Variants in DLG5 observed in about 807,000 individuals in gnomAD.
DLG5 encodes the protein discs large MAGUK scaffold protein 5.
A neutral mutation model predicts 189.8 loss-of-function variants in DLG5; 48 were observed. The ratio of observed to expected loss-of-function variants is 0.25; its 90% CI spans 0.20 to 0.32. The LOEUF is 0.32. DLG5 is among the 10% of genes least tolerant of loss of function. The probability of loss-of-function intolerance (pLI) is 1.00; values close to 1 mark genes in which losing one functional copy is unlikely to be tolerated. For synonymous variants in DLG5, 1,016 were observed against 1,054.1 expected (o/e 0.96, Z 0.70); for missense variants, 2,160 against 2,544.7 (o/e 0.85, Z 3.25).
At chr10:77,935,898 C>G in the DLG5 span, among the ~76,000 whole-genome samples, 1 of 152,092 alleles carries the variant, frequency 6.6e-6, no homozygotes. Context: ...AAAAGGATTT[C>G]CTTCCAGAGT....
At chr10:77,861,202 CATT>C (rs980740551) in intron 2 of DLG5, among the ~76,000 whole-genome samples, 19 of 152,294 alleles carry the variant, frequency 1.2e-4, no homozygotes, top group African/African-American at 4.6e-4. Flanking sequence ...ATCCTAGTAT[CATT>C]ATGAAAACAG....
intron 1 of DLG5, among the ~76,000 whole-genome samples, chr10:77,870,003 A>ACCCCATC (rs1020510402): frequency 1.3e-4 from 19 of 149,940 alleles, no homozygotes; most frequent in African/African-American, 2.7e-4. Flanking sequence ...TAAGGTCCCT[A>ACCCCATC]CCCCATCCCC....
intron 2 of DLG5, among the ~76,000 whole-genome samples, chr10:77,859,992 C>T (rs973997397): frequency 6.6e-6 from 1 of 152,238 alleles, no homozygotes; most frequent in Non-Finnish European, 1.5e-5. Context: ...CCATAACCTA[C>T]CTGACTCTCC....
rs202110020 is a variant in DLG5, at chr10:77,811,176, G to C, written c.4381C>G (p.Pro1461Ala). 1 of 1,613,272 alleles carries C rather than the reference G, an allele frequency of 6.2e-7. No homozygotes were observed. The highest frequency in any genetic ancestry group is 8.5e-7 in the Non-Finnish European group (1 of 1,179,986). Residue 1461 changes from proline to alanine, a missense_variant, in exon 23 of 32, where the codon CCG becomes GCG. Around this residue, in one of 5 missense-constraint regions of DLG5, gnomAD observed 574 missense variants for 644.2 expected, o/e 0.89. Coordinates refer to ENST00000372391, the MANE Select transcript of DLG5 (RefSeq NM_004747.4). Reference protein sequence around the residue: ...STLQGSGTTTPEHPSVIDPLM... With the variant: ...STLQGSGTTTAEHPSVIDPLM... Reference sequence around the variant, plus strand: ...GGGTCGATGACAGATGGATGCTCCGGGGTGGTGGTGCCACTGCCCTGGAGA... The same window carrying C: ...GGGTCGATGACAGATGGATGCTCCGCGGTGGTGGTGCCACTGCCCTGGAGA...
the DLG5 span, among the ~76,000 whole-genome samples, chr10:77,939,318 G>A: frequency 6.6e-6 from 1 of 152,296 alleles, no homozygotes; most frequent in South Asian, 2.1e-4. Context: ...GTGGAAACCA[G>A]ATGGAAAGGG....
intron 9 of DLG5, 54 bp from the exon 10 acceptor site, chr10:77,830,927 C>T (rs10824579): frequency 0.37 from 583,533 of 1,596,170 alleles, 108,348 homozygotes; most frequent in East Asian, 0.44. Flanking sequence ...AACATCCCAC[C>T]GCGTAACGGC....
chr10:77,794,783 C>T, intron 30 of DLG5, 66 bp downstream of exon 30: 1 of 1,325,740 alleles, frequency 7.5e-7, no homozygotes, highest in Non-Finnish European at 1.1e-6. Context: ...CACCCTGCTC[C>T]CTACTTGGGC....
intron 1 of DLG5, among the ~76,000 whole-genome samples, chr10:77,873,962 C>A (rs1214355406): frequency 1.3e-5 from 2 of 152,200 alleles, no homozygotes; most frequent in Non-Finnish European, 2.9e-5. Context: ...TTTCAGGGCA[C>A]CTGCCACATC....
chr10:77,798,101 C>G (rs1841015677), intron 27 of DLG5, among the ~76,000 whole-genome samples: 1 of 152,116 alleles, frequency 6.6e-6, no homozygotes, highest in South Asian at 2.1e-4. Flanking sequence ...GCACAACAAT[C>G]ACTTGAACCC....
intron 9 of DLG5, among the ~76,000 whole-genome samples, chr10:77,832,599 C>T (rs1013931889): frequency 6.6e-6 from 1 of 152,212 alleles, no homozygotes; most frequent in Non-Finnish European, 1.5e-5. Context: ...CCAGGGAGTG[C>T]CTGAGGCTTC....
intron 1 of DLG5, among the ~76,000 whole-genome samples, chr10:77,921,396 T>G (rs1846529589): frequency 6.6e-6 from 1 of 152,136 alleles, no homozygotes; most frequent in Non-Finnish European, 1.5e-5. Flanking sequence ...TCAGCACCCA[T>G]CTGCATTAGT....
In DLG5 at chr10:77,822,121, G is replaced by A. The variant is rs1449645139; in HGVS notation, c.2383-20C>T. On this transcript the variant is annotated intron_variant, in intron 14 of 31. Transcript: ENST00000372391. ...GAATACCTAGGCAGGGATTGCAGAG[G>A]AGTGAGAGAGAGAGTGAGATGGCAG... is the stretch of plus-strand genomic sequence containing the variant. The A allele has an allele frequency of 1.9e-6, 3 of 1,591,192 alleles. No individual in the cohort carries two copies. The highest frequency in any genetic ancestry group is 8.6e-7 in the Non-Finnish European group (1 of 1,167,694).
At chr10:77,887,374 T>G (rs1190270313) in intron 1 of DLG5, among the ~76,000 whole-genome samples, 1 of 152,206 alleles carries the variant, frequency 6.6e-6, no homozygotes, top group Non-Finnish European at 1.5e-5. Flanking sequence ...GGATGAACAC[T>G]GTCTGAGCCC....
In DLG5 at chr10:77,835,723, G is replaced by A; in HGVS notation, c.1622+15C>T. 1.3e-6 allele frequency: 2 copies of A among 1,598,664 alleles called. No individual in the cohort carries two copies. Among genetic ancestry groups the A allele is most frequent in the Non-Finnish European group, 1.7e-6 (2 of 1,172,194 alleles). On this transcript the variant is annotated intron_variant, in intron 8 of 31. Coordinates refer to ENST00000372391, the MANE Select transcript of DLG5 (RefSeq NM_004747.4). Reference sequence around the variant, plus strand: ...GGGAGACGCAAGCCCACGCCAGCTTGAGGTCACCCCATACCGGATGCTGTC... The same window carrying A: ...GGGAGACGCAAGCCCACGCCAGCTTAAGGTCACCCCATACCGGATGCTGTC...
intron 1 of DLG5, among the ~76,000 whole-genome samples, chr10:77,893,818 A>C (rs1468826118): frequency 6.6e-6 from 1 of 152,138 alleles, no homozygotes; most frequent in Non-Finnish European, 1.5e-5. Flanking sequence ...TCAATGGGGG[A>C]TGGGGGAAGG....
intron 27 of DLG5, among the ~76,000 whole-genome samples, chr10:77,800,594 T>G (rs1245555776): frequency 6.6e-6 from 1 of 151,896 alleles, no homozygotes; most frequent in Non-Finnish European, 1.5e-5. Context: ...CCACGAAAAG[T>G]TTCTGAAAAT....
intron 1 of DLG5, among the ~76,000 whole-genome samples, chr10:77,911,943 G>C (rs983698941): frequency 3.3e-4 from 50 of 150,564 alleles, no homozygotes; most frequent in African/African-American, 1.2e-3. Context: ...TCATGCCTGT[G>C]ATCCCAACAC....
intron 13 of DLG5, among the ~76,000 whole-genome samples, chr10:77,827,736 A>G (rs1485287872): frequency 6.6e-6 from 1 of 152,216 alleles, no homozygotes; most frequent in Non-Finnish European, 1.5e-5. Context: ...TTTAAACTAC[A>G]TATAATCAAA....
rs1589290137 is a variant in DLG5 at position 77,926,572 on chromosome 10, G to A, written c.-52C>T. ...GCCGGACGCCTCCCGGGCCCCCCGAGGCCGGCGGGCGGGCAGGCGAGCACC... is the reference window on the plus strand; with the variant it reads ...GCCGGACGCCTCCCGGGCCCCCCGAAGCCGGCGGGCGGGCAGGCGAGCACC... On this transcript the variant is annotated 5_prime_UTR_variant, in exon 1 of 32. Coordinates refer to ENST00000372391, the MANE Select transcript of DLG5 (RefSeq NM_004747.4). The surrounding 1 kb of genome is among the most constrained non-coding windows in gnomAD (Gnocchi z 5.2). 1.7e-6 allele frequency: 2 copies of A among 1,197,880 alleles called. No individual in the cohort carries two copies. Among genetic ancestry groups the A allele is most frequent in the Non-Finnish European group, 2.1e-6 (2 of 966,548 alleles). The allele number at this position is 1,197,880 out of a possible 1,614,324, so 74.2% of individuals were successfully genotyped here.
Sources: gnomAD v4.1 joint callset for allele counts (sites outside exome capture counted in the v4.1 genomes callset) on GRCh38, gnomAD v4.1.1 for gene constraint, gnomAD v4.1.1 regional missense constraint, Gnocchi (gnomAD v3.1) non-coding constraint, MANE v1.5 for transcripts, NCBI Gene and HGNC (gene_info 2026-07-23, HGNC 2026-07-21) for gene names.